Variants in CNPY3 observed in about 807,000 individuals in gnomAD.
CNPY3 encodes the protein canopy FGF signaling regulator 3, also known as protein canopy homolog 3.
In CNPY3, 20 loss-of-function variants were observed where a neutral mutation model predicts 32.0. The observed-to-expected ratio is 0.63, with a 90% CI of 0.44 to 0.91. The LOEUF is 0.91. CNPY3 is among the 40% of genes least tolerant of loss of function. The pLI is 0.00. For missense variants in CNPY3, 299 were observed against 340.8 expected, an observed-to-expected ratio of 0.88 and a Z score of 0.97; for synonymous variants, 138 against 142.9, an observed-to-expected ratio of 0.97 and a Z score of 0.24.
At chr6:42,936,934 A>G (rs1768277824) in intron 3 of CNPY3, among the ~76,000 whole-genome samples, 1 of 152,148 alleles carries the variant, frequency 6.6e-6, no homozygotes, top group Non-Finnish European at 1.5e-5. Context: ...AGATATTGGT[A>G]TTTGTATGAG....
intron 1 of CNPY3, among the ~76,000 whole-genome samples, chr6:42,934,139 C>T (rs1380406617): frequency 2.0e-5 from 3 of 149,882 alleles, no homozygotes; most frequent in African/African-American, 7.4e-5. Flanking sequence ...GCAACAAGAG[C>T]GAAACTCCAT....
upstream of CNPY3, chr6:42,929,068 T>G (rs547131427): frequency 6.5e-6 from 1 of 154,092 alleles, no homozygotes. Flanking sequence ...AAACAGATGT[T>G]CAGTAAGGAC....
At chr6:42,931,174 G>A (rs1414457130) in intron 1 of CNPY3, among the ~76,000 whole-genome samples, 1 of 150,752 alleles carries the variant, frequency 6.6e-6, no homozygotes, top group East Asian at 2.0e-4. Context: ...ATAGGCGTGA[G>A]CCTCTGCTCC....
intron 2 of CNPY3, among the ~76,000 whole-genome samples, chr6:42,934,921 A>G (rs567404760): frequency 6.6e-6 from 1 of 152,292 alleles, no homozygotes; most frequent in Admixed American, 6.5e-5. Context: ...CTGGAGTGCA[A>G]TGGCATGATC....
In CNPY3 at chr6:42,929,669, C is replaced by A. The variant is rs1023421246; in HGVS notation, c.99C>A (p.Ser33Arg). The A allele has an allele frequency of 6.4e-6, 10 of 1,552,806 alleles. No homozygotes were observed. The highest frequency in any genetic ancestry group is 8.7e-6 in the Non-Finnish European group (10 of 1,148,286). ...LLLPAPELGP[S>R]QAGAEENDWV... Reference sequence around the variant, plus strand: ...TGCCGGCCCCGGAGCTGGGCCCGAGCCAGGCCGGAGCTGAGGAGAACGACT... The same window carrying A: ...TGCCGGCCCCGGAGCTGGGCCCGAGACAGGCCGGAGCTGAGGAGAACGACT... Residue 33 changes from serine to arginine, a missense_variant, in exon 1 of 6, where the codon AGC becomes AGA. Transcript: ENST00000372836.
chr6:42,937,656 G>A, intron 3 of CNPY3, 61 bp from the exon 4 acceptor site: 1 of 1,594,976 alleles, frequency 6.3e-7, no homozygotes, highest in South Asian at 1.1e-5. Context: ...CCACCACTGG[G>A]AGACGAGGGT....
chr6:42,938,011 G>A (rs1768354516), intron 4 of CNPY3, 79 bp from the exon 5 acceptor site: 2 of 1,465,422 alleles, frequency 1.4e-6, no homozygotes, highest in Middle Eastern at 1.9e-4. Context: ...CTTGCAGTGG[G>A]TTGCGAGGCT....
At chr6:42,933,619 C>T (rs1767992318) in intron 1 of CNPY3, among the ~76,000 whole-genome samples, 1 of 152,042 alleles carries the variant, frequency 6.6e-6, no homozygotes, top group African/African-American at 2.4e-5. Flanking sequence ...TGTTAATTTT[C>T]CAAGTATCAT....
chr6:42,934,551 C>T lies in CNPY3; in HGVS notation c.228C>T (p.Gly76=), dbSNP rs1768075630. 2 of 1,614,122 alleles carry T rather than the reference C, an allele frequency of 1.2e-6. No individual in the cohort carries two copies. The highest frequency in any genetic ancestry group is 8.5e-7 in the Non-Finnish European group (1 of 1,180,006). ...AGACCAAGGAGGTGATTGGCACGGG[C>T]TATGGCATCCTGGACCAGAAGGCCT... ...TGKTKEVIGT[G]YGILDQKASG... Residue 76 remains glycine, a synonymous_variant, in exon 2 of 6, where the codon GGC becomes GGT. Transcript: ENST00000372836.
At position 42,935,689 on chromosome 6, in the gene CNPY3, C is replaced by A; in HGVS notation, c.372+19C>A. The A allele has an allele frequency of 6.2e-7, 1 of 1,602,676 alleles. No homozygotes were observed. Among genetic ancestry groups the A allele is most frequent in the Non-Finnish European group, 8.5e-7 (1 of 1,170,926 alleles). ...TGCCAAGGTTGGATTCGGGATTGTC[C>A]TTCATCCGCTCTGGGGTCAGGCCTG... On this transcript the variant is annotated intron_variant, in intron 3 of 5. Coordinates refer to ENST00000372836, the MANE Select transcript of CNPY3 (RefSeq NM_006586.5).
chr6:42,933,627 C>T (rs573738899), intron 1 of CNPY3, among the ~76,000 whole-genome samples: 1 of 152,212 alleles, frequency 6.6e-6, no homozygotes, highest in East Asian at 1.9e-4. Flanking sequence ...TTCCAAGTAT[C>T]ATAATTGTTC....
intron 5 of CNPY3, 25 bp downstream of exon 5, chr6:42,938,232 G>A: frequency 1.3e-6 from 2 of 1,558,064 alleles, no homozygotes; most frequent in Non-Finnish European, 1.8e-6. Context: ...GCAAGGGCAG[G>A]CTGGCTCTGG....
intron 1 of CNPY3, among the ~76,000 whole-genome samples, chr6:42,930,449 G>A (rs187783921): frequency 6.6e-6 from 1 of 152,258 alleles, no homozygotes; most frequent in Non-Finnish European, 1.5e-5. Flanking sequence ...GCCCTTTGGG[G>A]GAACAATAGA....
Position 42,929,587 on chromosome 6 carries a change from A to G in CNPY3, c.17A>G (p.Glu6Gly). The change falls in exon 1 of 6, where the codon GAG (glutamate) becomes GGG (glycine). Residue 6 changes from glutamate (E) to glycine (G), a missense_variant. Glu to Gly is a moderately conservative substitution (Grantham distance 98). Transcript: ENST00000372836. Reference protein sequence around the residue: MDSMPEPASRCLLLLP... With the variant: MDSMPGPASRCLLLLP... ...GGCCGGGCCATGGATTCAATGCCTG[A>G]GCCCGCGTCCCGCTGTCTTCTGCTT... 6.3e-7 allele frequency: 1 copy of G among 1,576,618 alleles called. No homozygotes were observed. The highest frequency in any genetic ancestry group is 8.6e-7 in the Non-Finnish European group (1 of 1,161,892).
chr6:42,935,487 G>A (rs1351010901), intron 2 of CNPY3, 87 bp from the exon 3 acceptor site: 2 of 1,507,114 alleles, frequency 1.3e-6, no homozygotes, highest in Non-Finnish European at 1.8e-6. Context: ...AGATGTGCAG[G>A]TGTTGGGGCA....
upstream of CNPY3, among the ~76,000 whole-genome samples, chr6:42,928,514 G>T (rs1767526942): frequency 6.6e-6 from 1 of 151,446 alleles, no homozygotes; most frequent in Non-Finnish European, 1.5e-5. Context: ...CAACTCCTGG[G>T]CTCAGGTGAT....
Position 42,939,066 on chromosome 6 carries a change from A to G in CNPY3, c.*275A>G, listed in dbSNP as rs900702743. 8.1e-7 allele frequency: 1 copy of G among 1,227,482 alleles called. No individual in the cohort carries two copies. The allele number at this position is 1,227,482 out of a possible 1,614,324, so 76.0% of individuals were successfully genotyped here. A position where few individuals can be genotyped will look rare whatever the true frequency, so the allele number is the denominator to read the frequency against. ...ACTGCAAGGACTCCAGTGTGAACTC[A>G]GGAGGGGCAGGTGTCAGAACTGGGC... is the stretch of plus-strand genomic sequence containing the variant. On this transcript the variant is annotated 3_prime_UTR_variant, in exon 6 of 6. Coordinates refer to ENST00000372836, the MANE Select transcript of CNPY3 (RefSeq NM_006586.5).
intron 2 of CNPY3, among the ~76,000 whole-genome samples, chr6:42,935,038 G>T (rs1435105954): frequency 6.6e-6 from 1 of 151,888 alleles, no homozygotes; most frequent in Non-Finnish European, 1.5e-5. Flanking sequence ...CTAATTTTCT[G>T]TATTTTTTTA....
rs879925824 is a variant in CNPY3, at chr6:42,934,152, C to CA, written c.152-311dup. Among the ~76,000 whole-genome samples the CA allele has an allele frequency of 2.6e-3, 345 of 130,936 alleles. 2 individuals are homozygous for CA. The highest frequency in any genetic ancestry group is 7.8e-3 in the African/African-American group (275 of 35,372). 85.9% of individuals were successfully genotyped at this position (130,936 alleles called of 152,430 possible). On this transcript the variant is annotated intron_variant, in intron 1 of 5. Transcript: ENST00000372836. ...GGGCAACAAGAGCGAAACTCCATCTCAAAAAAAAAAAAGGAATACGAAGAA... is the reference window on the plus strand; with the variant it reads ...GGGCAACAAGAGCGAAACTCCATCTCAAAAAAAAAAAAAGGAATACGAAGAA...
Sources: allele counts gnomAD v4.1 joint callset (sites outside exome capture counted in the v4.1 genomes callset), GRCh38; gene constraint gnomAD v4.1.1; transcripts MANE v1.5; gene names NCBI Gene and HGNC (gene_info 2026-07-23, HGNC 2026-07-21).